SHISA5: variants seen among roughly 807,000 people sequenced by gnomAD.
SHISA5 encodes the protein protein shisa-5.
SHISA5 carries 21 observed loss-of-function variants against 27.5 expected under a neutral mutation model. The ratio of observed to expected loss-of-function variants is 0.76; its 90% confidence interval spans 0.54 to 1.10. The LOEUF (loss-of-function observed/expected upper bound fraction) is 1.10, where lower values mean the gene tolerates loss of function less well. Ranked by LOEUF, SHISA5 falls within the 50% of genes least tolerant of loss-of-function variation. The pLI is 0.00. For missense variants in SHISA5, 314 were observed against 336.3 expected (o/e 0.93, Z 0.52); for synonymous variants, 137 against 142.2 (o/e 0.96, Z 0.26).
chr3:48,488,559 C>T (rs561192335), intron 2 of SHISA5, among the ~76,000 whole-genome samples: 11 of 140,252 alleles, frequency 7.8e-5, no homozygotes, highest in South Asian at 2.6e-4. Context: ...AAAGGCCGGG[C>T]GCGGTGGCTC....
intron 2 of SHISA5, among the ~76,000 whole-genome samples, chr3:48,500,888 A>G (rs2041732876): frequency 6.6e-6 from 1 of 152,126 alleles, no homozygotes; most frequent in South Asian, 2.1e-4. Flanking sequence ...GACCTCTAAG[A>G]AACCTGCTCA....
At chr3:48,484,149 T>C (rs2041122571) in intron 2 of SHISA5, among the ~76,000 whole-genome samples, 1 of 152,226 alleles carries the variant, frequency 6.6e-6, no homozygotes, top group Non-Finnish European at 1.5e-5. Flanking sequence ...GGGTGATGGA[T>C]GCATTGAGTT....
At chr3:48,476,986 C>A in intron 3 of SHISA5, 1 of 422,452 alleles carries the variant, frequency 2.4e-6, no homozygotes. Flanking sequence ...TCTGAGCTGG[C>A]CCCAGTCACC....
At chr3:48,478,181 G>T (rs750359274) in intron 3 of SHISA5, among the ~76,000 whole-genome samples, 3 of 152,200 alleles carry the variant, frequency 2.0e-5, no homozygotes, top group Non-Finnish European at 4.4e-5. Context: ...GCTCCTGGAC[G>T]TGGAGGGGAA....
At chr3:48,475,975 G>C (rs762345433) in intron 3 of SHISA5, among the ~76,000 whole-genome samples, 2 of 152,224 alleles carry the variant, frequency 1.3e-5, no homozygotes, top group Non-Finnish European at 2.9e-5. Flanking sequence ...TCCTGCGGCA[G>C]GGGTTCTGGG....
chr3:48,503,499 T>A (rs989040429), intron 1 of SHISA5, among the ~76,000 whole-genome samples: 1 of 152,136 alleles, frequency 6.6e-6, no homozygotes, highest in East Asian at 1.9e-4. Context: ...CCAGCCAGCC[T>A]TCCAGACTCT....
At chr3:48,503,125 G>T (rs1462878337) in intron 1 of SHISA5, 1 of 1,289,850 alleles carries the variant, frequency 7.8e-7, no homozygotes, top group Non-Finnish European at 1.0e-6. Context: ...CATGGCCCGT[G>T]CCTGGTGGCT....
At chr3:48,484,577 C>A (rs1349118642) in intron 2 of SHISA5, among the ~76,000 whole-genome samples, 8 of 147,766 alleles carry the variant, frequency 5.4e-5, no homozygotes, top group African/African-American at 2.0e-4. Context: ...GGCGACAGAG[C>A]GAGACACTGT....
chr3:48,486,596 G>C (rs2041255652), intron 2 of SHISA5, among the ~76,000 whole-genome samples: 1 of 124,974 alleles, frequency 8.0e-6, no homozygotes, highest in East Asian at 2.1e-4. Flanking sequence ...TATATATATA[G>C]ATTATATATA....
chr3:48,497,901 A>G (rs1167477371), intron 2 of SHISA5, among the ~76,000 whole-genome samples: 1 of 149,662 alleles, frequency 6.7e-6, no homozygotes, highest in Non-Finnish European at 1.5e-5. Flanking sequence ...AAAAAAAAAG[A>G]AGAGAGAGAG....
At chr3:48,472,338 A>C (rs1213734379) in intron 3 of SHISA5, among the ~76,000 whole-genome samples, 1 of 151,802 alleles carries the variant, frequency 6.6e-6, no homozygotes, top group Non-Finnish European at 1.5e-5. Flanking sequence ...AATACAAAAA[A>C]AAAAAGAATT....
chr3:48,473,352 TC>T lies in SHISA5; in HGVS notation c.315-3510del. 1 of 1,366,730 alleles carries T rather than the reference TC, an allele frequency of 7.3e-7. No individual in the cohort carries two copies. The highest frequency in any genetic ancestry group is 9.6e-7 in the Non-Finnish European group (1 of 1,039,962). 84.7% of individuals were successfully genotyped at this position (1,366,730 alleles called of 1,614,324 possible). A position where few individuals can be genotyped will look rare whatever the true frequency, so the allele number is the denominator to read the frequency against. ...AGAATGCAGCCTGGCCACTAGGGGG[TC>T]TAAGAGCCACCCCAGCCTCAGTGGG... On this transcript the variant is annotated intron_variant, in intron 3 of 5. Coordinates refer to ENST00000296444, the MANE Select transcript of SHISA5 (RefSeq NM_016479.6). This position sits in a 1 kb window ranked among gnomAD's most constrained non-coding sequence, Gnocchi z 4.3.
Position 48,468,984 on chromosome 3 carries a change from T to G in SHISA5, c.*123A>C. ...ACAGGCAGGACACACACAGCACACA[T>G]GGGGCGTAAGGAACCGTGCCTGGAC... is the stretch of plus-strand genomic sequence containing the variant. On this transcript the variant is annotated 3_prime_UTR_variant, in exon 6 of 6. Coordinates refer to ENST00000296444, the MANE Select transcript of SHISA5 (RefSeq NM_016479.6). 1 of 1,573,212 alleles carries G rather than the reference T, an allele frequency of 6.4e-7. No individual in the cohort carries two copies. Among genetic ancestry groups the G allele is most frequent in the Non-Finnish European group, 8.6e-7 (1 of 1,157,152 alleles).
chr3:48,473,460 G>A lies in SHISA5; in HGVS notation c.315-3617C>T, dbSNP rs748692878. On this transcript the variant is annotated intron_variant, in intron 3 of 5. Transcript: ENST00000296444. The surrounding 1 kb of genome is among the most constrained non-coding windows in gnomAD (Gnocchi z 4.3). Reference sequence around the variant, plus strand: ...GGCCCTGTTCCACCAGCCTCCAGGAGGAGCTTCTGCATCCATCTAGGCCCA... The same window carrying A: ...GGCCCTGTTCCACCAGCCTCCAGGAAGAGCTTCTGCATCCATCTAGGCCCA... The A allele has an allele frequency of 3.1e-6, 4 of 1,294,506 alleles. No individual in the cohort carries two copies. Among genetic ancestry groups the A allele is most frequent in the Non-Finnish European group, 4.0e-6 (4 of 992,478 alleles). The allele number at this position is 1,294,506 out of a possible 1,614,324, so 80.2% of individuals were successfully genotyped here. A position where few individuals can be genotyped will look rare whatever the true frequency, so the allele number is the denominator to read the frequency against.
chr3:48,470,381 C>T lies in SHISA5; in HGVS notation c.315-538G>A, dbSNP rs185174870. On this transcript the variant is annotated intron_variant, in intron 3 of 5. Transcript: ENST00000296444. This position sits in a 1 kb window ranked among gnomAD's most constrained non-coding sequence, Gnocchi z 4.3. ...AGGAGGCCCCCATTGTTCCCCTGCA[C>T]TCCACAACAGCCCCAGGGCAGGGAG... Among the ~76,000 whole-genome samples the T allele has an allele frequency of 2.0e-3, 308 of 152,364 alleles. No individual in the cohort carries two copies. The highest frequency in any genetic ancestry group is 6.7e-3 in the African/African-American group (280 of 41,586).
Position 48,479,257 on chromosome 3 carries a change from G to A in SHISA5, c.234C>T (p.Ser78=), listed in dbSNP as rs149835350. 5.0e-5 allele frequency: 80 copies of A among 1,604,834 alleles called. 1 individual carries two copies. Among genetic ancestry groups the A allele is most frequent in the Middle Eastern group, 5.0e-4 (3 of 6,048 alleles). ...CCACCGGCTCTACACTGGCAGGCAC[G>A]CTGCAAACAGGAAACCTTGTGATTA... ...SEERCAVPEA[S]VPASVEPVEQ... The change falls in exon 3 of 6, where the codon AGC becomes AGT. Residue 78 remains serine (S), a splice_region_variant and synonymous_variant. Transcript: ENST00000296444.
intron 2 of SHISA5, among the ~76,000 whole-genome samples, chr3:48,499,906 G>A (rs1406735268): frequency 6.9e-6 from 1 of 145,206 alleles, no homozygotes; most frequent in African/African-American, 2.6e-5. Context: ...GAAGTGAAAG[G>A]GTGAAAGGGT....
Position 48,504,064 on chromosome 3 carries a change from G to C in SHISA5, c.31C>G (p.Leu11Val). Residue 11 changes from leucine (L) to valine (V), a missense_variant, in exon 1 of 6, where the codon CTG (leucine) becomes GTG (valine). By Grantham distance (32) the Leu-to-Val change is conservative. Transcript: ENST00000296444. This position sits in a 1 kb window ranked among gnomAD's most constrained non-coding sequence, Gnocchi z 4.0. MTAPVPAPRI[L>V]LPLLLLLLLT... ...AGCAGCAGCAACAGCAACGGCAACA[G>C]GATCCGCGGCGCGGGGACCGGCGCA... 1 of 1,430,712 alleles carries C rather than the reference G, an allele frequency of 7.0e-7. No individual in the cohort carries two copies. The highest frequency in any genetic ancestry group is 9.2e-7 in the Non-Finnish European group (1 of 1,087,036). 88.6% of individuals were successfully genotyped at this position (1,430,712 alleles called of 1,614,324 possible).
chr3:48,472,986 A>T (rs1337031483), intron 3 of SHISA5: 1 of 1,534,332 alleles, frequency 6.5e-7, no homozygotes, highest in Non-Finnish European at 8.7e-7. Flanking sequence ...TCAAACACAC[A>T]CGCAGCATGG....
Sources: allele counts gnomAD v4.1 joint callset (sites outside exome capture counted in the v4.1 genomes callset), GRCh38; gene constraint gnomAD v4.1.1; non-coding constraint Gnocchi (gnomAD v3.1); transcripts MANE v1.5; gene names NCBI Gene and HGNC (gene_info 2026-07-23, HGNC 2026-07-21).